LORICRIN: variants seen among roughly 807,000 people sequenced by gnomAD.
LORICRIN encodes loricrin cornified envelope precursor protein.
LORICRIN carries 5 observed loss-of-function variants against 3.3 expected under a neutral mutation model. The observed-to-expected ratio is 1.52, with a 90% CI of 0.79 to 3.19. The LOEUF is 3.19. LORICRIN is among the 30% of genes most tolerant of loss of function. The pLI, the probability that LORICRIN is intolerant of heterozygous loss-of-function variation, is 0.00. For synonymous variants in LORICRIN, 237 were observed against 231.4 expected (o/e 1.02, Z -0.22); for missense variants, 524 against 460.2 (o/e 1.14, Z -1.27).
At position 153,261,531 on chromosome 1, in the gene LORICRIN, T is replaced by TGGCGGCGGCTCG. The variant is rs1468167171; in HGVS notation, c.585_586insGGCGGCTCGGGC (p.Gly192_Gly195dup). The TGGCGGCGGCTCG allele has an allele frequency of 6.7e-7, 1 of 1,490,620 alleles. No homozygotes were observed. Among genetic ancestry groups the TGGCGGCGGCTCG allele is most frequent in the Non-Finnish European group, 8.9e-7 (1 of 1,127,102 alleles). 92.3% of individuals were successfully genotyped at this position (1,490,620 alleles called of 1,614,324 possible). ...TCTGCGGCTACTCTGGCGGCGGCTC[T>TGGCGGCGGCTCG]GGCTGCGGCGGAGGCTCCTCTGGCG... On this transcript the variant is annotated inframe_insertion, in exon 2 of 2. Transcript: ENST00000368742.
At position 153,261,438 on chromosome 1, in the gene LORICRIN, C is replaced by T. The variant is rs1297915161; in HGVS notation, c.489C>T (p.Gly163=). Residue 163 remains glycine (G), a synonymous_variant, in exon 2 of 2, where the codon GGC becomes GGT. Coordinates refer to ENST00000368742, the MANE Select transcript of LORICRIN (RefSeq NM_000427.3). ...GQAVQCQSYG[G]VSSGGSSGGG... ...CGGTCCAGTGCCAGAGCTACGGAGG[C>T]GTCTCTAGCGGCGGCTCCTCCGGGG... 1 of 1,500,670 alleles carries T rather than the reference C, an allele frequency of 6.7e-7. No individual in the cohort carries two copies. The highest frequency in any genetic ancestry group is 1.2e-5 in the South Asian group (1 of 80,198). 93.0% of individuals were successfully genotyped at this position (1,500,670 alleles called of 1,614,324 possible). A position where few individuals can be genotyped will look rare whatever the true frequency, so the allele number is the denominator to read the frequency against.
chr1:153,261,771 T>TGGTTCCTCTGGAGGCGGC lies in LORICRIN; in HGVS notation c.825_842dup (p.Ser276_Gly281dup). ...GTGGCGGGGGCTCCGTCTGCGGAGG[T>TGGTTCCTCTGGAGGCGGC]GGTTCCTCTGGAGGCGGCGGCGGCG... On this transcript the variant is annotated inframe_insertion, in exon 2 of 2. Transcript: ENST00000368742. 1 of 1,573,478 alleles carries TGGTTCCTCTGGAGGCGGC rather than the reference T, an allele frequency of 6.4e-7. No individual in the cohort carries two copies.
rs573222961 is a variant in LORICRIN at position 153,261,272 on chromosome 1, G to C, written c.323G>C (p.Gly108Ala). 975 of 1,426,704 alleles carry C rather than the reference G, an allele frequency of 6.8e-4. 15 individuals are homozygous for C. In the East Asian group the frequency reaches 0.027, roughly 40 times the overall value. The allele number at this position is 1,426,704 out of a possible 1,614,324, so 88.4% of individuals were successfully genotyped here. Reference protein sequence around the residue: ...GGGSGCFSSGGGGSGCFSSGG... With the variant: ...GGGSGCFSSGAGGSGCFSSGG... ...GGCTCTGGCTGTTTCTCCAGCGGTG[G>C]GGGCGGCTCCGGCTGCTTCTCCTCC... Residue 108 changes from glycine (G) to alanine (A), a missense_variant, in exon 2 of 2, where the codon GGG becomes GCG. Coordinates refer to ENST00000368742, the MANE Select transcript of LORICRIN (RefSeq NM_000427.3).
Position 153,262,023 on chromosome 1 carries a change from C to T in LORICRIN, c.*135C>T. 1.0e-6 allele frequency: 1 copy of T among 959,512 alleles called. No individual in the cohort carries two copies. Among genetic ancestry groups the T allele is most frequent in the Non-Finnish European group, 1.6e-6 (1 of 609,514 alleles). 59.4% of individuals were successfully genotyped at this position (959,512 alleles called of 1,614,324 possible). ...AACCTACCTGGAAGAAGCCATTGAG[C>T]TCTCCGGCTGCATCTAGTTCTGCTG... On this transcript the variant is annotated 3_prime_UTR_variant, in exon 2 of 2. Transcript: ENST00000368742.
rs1016419959 is a variant in LORICRIN at position 153,260,984 on chromosome 1, C to G, written c.35C>G (p.Pro12Arg). 2.5e-6 allele frequency: 4 copies of G among 1,594,140 alleles called. No homozygotes were observed. The highest frequency in any genetic ancestry group is 3.4e-6 in the Non-Finnish European group (4 of 1,170,702). Residue 12 changes from proline (P) to arginine (R), a missense_variant, in exon 2 of 2, where the codon CCC becomes CGC. Transcript: ENST00000368742. ...SYQKKQPTPQ[P>R]PVDCVKTSGG... ...CAGAAAAAGCAGCCCACCCCTCAGC[C>G]CCCAGTGGACTGCGTGAAGACCTCT...
In LORICRIN at chr1:153,261,021, C is replaced by T. The variant is rs1353070445; in HGVS notation, c.72C>T (p.Gly24=). ...VDCVKTSGGG[G]GGGGSGGGGC... ...GCGTGAAGACCTCTGGCGGCGGTGG[C>T]GGTGGCGGCGGCAGCGGCGGTGGTG... Residue 24 remains glycine (G), a synonymous_variant, in exon 2 of 2, where the codon GGC becomes GGT. Coordinates refer to ENST00000368742, the MANE Select transcript of LORICRIN (RefSeq NM_000427.3). The T allele has an allele frequency of 1.3e-6, 2 of 1,565,848 alleles. No individual in the cohort carries two copies. The highest frequency in any genetic ancestry group is 2.4e-5 in the East Asian group (1 of 41,394).
At position 153,261,763 on chromosome 1, in the gene LORICRIN, T is replaced by TGCGGAGGTGGTTCCTCTGGAGGCG; in HGVS notation, c.819_842dup (p.Gly278_Ser285dup). 1 of 1,579,302 alleles carries TGCGGAGGTGGTTCCTCTGGAGGCG rather than the reference T, an allele frequency of 6.3e-7. No individual in the cohort carries two copies. The highest frequency in any genetic ancestry group is 8.6e-7 in the Non-Finnish European group (1 of 1,166,394). On this transcript the variant is annotated inframe_insertion, in exon 2 of 2. Coordinates refer to ENST00000368742, the MANE Select transcript of LORICRIN (RefSeq NM_000427.3). ...CATCATCAGTGGCGGGGGCTCCGTC[T>TGCGGAGGTGGTTCCTCTGGAGGCG]GCGGAGGTGGTTCCTCTGGAGGCGG...
Position 153,261,349 on chromosome 1 carries a change from G to A in LORICRIN, c.400G>A (p.Gly134Ser). 6.7e-7 allele frequency: 1 copy of A among 1,484,140 alleles called. No homozygotes were observed. Among genetic ancestry groups the A allele is most frequent in the African/African-American group, 1.5e-5 (1 of 67,214 alleles). The allele number at this position is 1,484,140 out of a possible 1,614,324, so 91.9% of individuals were successfully genotyped here. ...CTCCGGCTGCTTCTCCAGCGGTGGG[G>A]GCGGCTCCTCCGGGGGCGGCTCCGG... Reference protein sequence around the residue: ...GGSGCFSSGGGGSSGGGSGCF... With the variant: ...GGSGCFSSGGSGSSGGGSGCF... The change falls in exon 2 of 2, where the codon GGC becomes AGC. Residue 134 changes from glycine (G) to serine (S), a missense_variant. Gly to Ser is a moderately conservative substitution (Grantham distance 56). Coordinates refer to ENST00000368742, the MANE Select transcript of LORICRIN (RefSeq NM_000427.3).
Position 153,261,285 on chromosome 1 carries a change from C to A in LORICRIN, c.336C>A (p.Gly112=), listed in dbSNP as rs1290966664. 2.1e-6 allele frequency: 3 copies of A among 1,441,496 alleles called. No homozygotes were observed. The African/African-American group carries it at 4.6e-5, about 22-fold the overall frequency. The allele number at this position is 1,441,496 out of a possible 1,614,324, so 89.3% of individuals were successfully genotyped here. A position where few individuals can be genotyped will look rare whatever the true frequency, so the allele number is the denominator to read the frequency against. Residue 112 remains glycine, a synonymous_variant, in exon 2 of 2, where the codon GGC becomes GGA. Coordinates refer to ENST00000368742, the MANE Select transcript of LORICRIN (RefSeq NM_000427.3). Reference sequence around the variant, plus strand: ...TCTCCAGCGGTGGGGGCGGCTCCGGCTGCTTCTCCTCCGGTGGCGGCGGCT... The same window carrying A: ...TCTCCAGCGGTGGGGGCGGCTCCGGATGCTTCTCCTCCGGTGGCGGCGGCT... ...GCFSSGGGGS[G]CFSSGGGGSS...
rs573930987 is a variant in LORICRIN at position 153,261,027 on chromosome 1, C to A, written c.78C>A (p.Gly26=). 8 of 1,557,940 alleles carry A rather than the reference C, an allele frequency of 5.1e-6. No homozygotes were observed. The South Asian group carries it at 5.8e-5, about 11-fold the overall frequency. ...AGACCTCTGGCGGCGGTGGCGGTGGCGGCGGCAGCGGCGGTGGTGGCTGCG... is the reference window on the plus strand; with the variant it reads ...AGACCTCTGGCGGCGGTGGCGGTGGAGGCGGCAGCGGCGGTGGTGGCTGCG... ...CVKTSGGGGG[G]GGSGGGGCGF... is the part of the protein sequence containing the mutation. Residue 26 remains glycine, a synonymous_variant, in exon 2 of 2, where the codon GGC becomes GGA. Transcript: ENST00000368742.
In LORICRIN at chr1:153,261,587, A is replaced by G. The variant is rs1658796107; in HGVS notation, c.638A>G (p.Gln213Arg). 8 of 1,511,468 alleles carry G rather than the reference A, an allele frequency of 5.3e-6. No homozygotes were observed. Among genetic ancestry groups the G allele is most frequent in the Non-Finnish European group, 7.0e-6 (8 of 1,139,474 alleles). 93.6% of individuals were successfully genotyped at this position (1,511,468 alleles called of 1,614,324 possible). A position where few individuals can be genotyped will look rare whatever the true frequency, so the allele number is the denominator to read the frequency against. ...GGCTCCGGCTACGTCTCCTCGCAGC[A>G]GGTCACTCAGACCTCGTGCGCGCCC... ...GSGSGYVSSQ[Q>R]VTQTSCAPQP... is the part of the protein sequence containing the mutation. The change falls in exon 2 of 2, where the codon CAG becomes CGG. Residue 213 changes from glutamine (Q) to arginine (R), a missense_variant. Coordinates refer to ENST00000368742, the MANE Select transcript of LORICRIN (RefSeq NM_000427.3).
Position 153,261,021 on chromosome 1 carries a change from C to CGGTGGCGGTGGCGGCGGCAGCGGCGGT in LORICRIN, c.80_81insTGGCGGCGGCAGCGGCGGTGGTGGCGG (p.Gly28_Ser29insGlyGlySerGlyGlyGlyGlyGlyGly). 6.4e-7 allele frequency: 1 copy of CGGTGGCGGTGGCGGCGGCAGCGGCGGT among 1,565,852 alleles called. No individual in the cohort carries two copies. The highest frequency in any genetic ancestry group is 8.7e-7 in the Non-Finnish European group (1 of 1,153,252). Reference sequence around the variant, plus strand: ...GCGTGAAGACCTCTGGCGGCGGTGGCGGTGGCGGCGGCAGCGGCGGTGGTG... The same window carrying CGGTGGCGGTGGCGGCGGCAGCGGCGGT: ...GCGTGAAGACCTCTGGCGGCGGTGGCGGTGGCGGTGGCGGCGGCAGCGGCGGTGGTGGCGGCGGCAGCGGCGGTGGTG... On this transcript the variant is annotated inframe_insertion, in exon 2 of 2. Transcript: ENST00000368742.
chr1:153,261,609 G>A lies in LORICRIN; in HGVS notation c.660G>A (p.Ala220=). The change falls in exon 2 of 2, where the codon GCG becomes GCA. Residue 220 remains alanine (A), a synonymous_variant. Transcript: ENST00000368742. ...AGCAGGTCACTCAGACCTCGTGCGC[G>A]CCCCAGCCGAGTTACGGAGGGGGGT... ...SSQQVTQTSC[A]PQPSYGGGSS... 6.6e-7 allele frequency: 1 copy of A among 1,512,094 alleles called. No homozygotes were observed. The highest frequency in any genetic ancestry group is 8.8e-7 in the Non-Finnish European group (1 of 1,139,434). 93.7% of individuals were successfully genotyped at this position (1,512,094 alleles called of 1,614,324 possible).
chr1:153,262,077 C>T lies in LORICRIN; in HGVS notation c.*189C>T, dbSNP rs1658823230. 1.5e-6 allele frequency: 1 copy of T among 670,558 alleles called. No individual in the cohort carries two copies. Among genetic ancestry groups the T allele is most frequent in the Admixed American group, 2.7e-5 (1 of 37,300 alleles). 41.5% of individuals were successfully genotyped at this position (670,558 alleles called of 1,614,324 possible). ...AGCCTCTTTGGTTTCTGTACAACTA[C>T]CTCCCAACCCCAGTGCCTCAGTCAA... On this transcript the variant is annotated 3_prime_UTR_variant, in exon 2 of 2. Coordinates refer to ENST00000368742, the MANE Select transcript of LORICRIN (RefSeq NM_000427.3).
chr1:153,261,490 G>C lies in LORICRIN; in HGVS notation c.541G>C (p.Gly181Arg), dbSNP rs909571378. The C allele has an allele frequency of 1.3e-5, 20 of 1,488,380 alleles. No homozygotes were observed. The African/African-American group carries it at 2.1e-4, about 16-fold the overall frequency. The allele number at this position is 1,488,380 out of a possible 1,614,324, so 92.2% of individuals were successfully genotyped here. A position where few individuals can be genotyped will look rare whatever the true frequency, so the allele number is the denominator to read the frequency against. Reference protein sequence around the residue: ...GGGSGCFSSGGGGGSVCGYSG... With the variant: ...GGGSGCFSSGRGGGSVCGYSG... ...CGGCTCCGGCTGCTTCTCCAGCGGC[G>C]GGGGCGGCGGCTCTGTCTGCGGCTA... is the stretch of plus-strand genomic sequence containing the variant. Residue 181 changes from glycine (G) to arginine (R), a missense_variant, in exon 2 of 2, where the codon GGG becomes CGG. Coordinates refer to ENST00000368742, the MANE Select transcript of LORICRIN (RefSeq NM_000427.3).
rs780328399 is a variant in LORICRIN at position 153,261,027 on chromosome 1, C to CGGTGGT, written c.80_81insTGGTGG (p.Gly27_Gly28dup). 5 of 1,557,830 alleles carry CGGTGGT rather than the reference C, an allele frequency of 3.2e-6. No individual in the cohort carries two copies. Among genetic ancestry groups the CGGTGGT allele is most frequent in the Non-Finnish European group, 4.4e-6 (5 of 1,147,936 alleles). On this transcript the variant is annotated inframe_insertion, in exon 2 of 2. Coordinates refer to ENST00000368742, the MANE Select transcript of LORICRIN (RefSeq NM_000427.3). The stretch of plus-strand genomic sequence containing the variant: ...AGACCTCTGGCGGCGGTGGCGGTGG[C>CGGTGGT]GGCGGCAGCGGCGGTGGTGGCTGCG...
At chr1:153,260,526 G>A (rs1432860476) in intron 1 of LORICRIN, among the ~76,000 whole-genome samples, 1 of 152,214 alleles carries the variant, frequency 6.6e-6, no homozygotes, top group Non-Finnish European at 1.5e-5. Context: ...CCTATCCTAG[G>A]TAGAGGTTTG....
chr1:153,261,240 C>A lies in LORICRIN; in HGVS notation c.291C>A (p.Ser97=). 7.2e-7 allele frequency: 1 copy of A among 1,382,144 alleles called. No individual in the cohort carries two copies. Among genetic ancestry groups the A allele is most frequent in the Non-Finnish European group, 9.3e-7 (1 of 1,076,582 alleles). 85.6% of individuals were successfully genotyped at this position (1,382,144 alleles called of 1,614,324 possible). ...AGTACTCCGGAGGCGGCGGCTCCTCCGGCGGGGGCTCTGGCTGTTTCTCCA... is the reference window on the plus strand; with the variant it reads ...AGTACTCCGGAGGCGGCGGCTCCTCAGGCGGGGGCTCTGGCTGTTTCTCCA... The part of the protein sequence containing the change: ...SVKYSGGGGS[S]GGGSGCFSSG... The change falls in exon 2 of 2, where the codon TCC becomes TCA. Residue 97 remains serine, a synonymous_variant. Transcript: ENST00000368742.
rs978630953 is a variant in LORICRIN at position 153,261,025 on chromosome 1, G to GGCGGCGGCA, written c.84_92dup (p.Ser29_Gly31dup). ...GAAGACCTCTGGCGGCGGTGGCGGT[G>GGCGGCGGCA]GCGGCGGCAGCGGCGGTGGTGGCTG... is the stretch of plus-strand genomic sequence containing the variant. On this transcript the variant is annotated inframe_insertion, in exon 2 of 2. Transcript: ENST00000368742. 6.4e-7 allele frequency: 1 copy of GGCGGCGGCA among 1,561,238 alleles called. No individual in the cohort carries two copies. The highest frequency in any genetic ancestry group is 1.4e-5 in the African/African-American group (1 of 71,016).
Sources: gnomAD v4.1 joint callset for allele counts (sites outside exome capture counted in the v4.1 genomes callset) on GRCh38, gnomAD v4.1.1 for gene constraint, MANE v1.5 for transcripts, NCBI Gene and HGNC (gene_info 2026-07-23, HGNC 2026-07-21) for gene names.